The following MACROD2 variants were observed in gnomAD, a reference collection of about 807,000 sequenced individuals.
MACROD2 encodes the protein ADP-ribose glycohydrolase MACROD2.
MACROD2 carries 36 observed loss-of-function variants against 70.4 expected under a neutral mutation model. That is an observed-to-expected ratio of 0.51 (90% CI 0.39 to 0.68). The LOEUF (loss-of-function observed/expected upper bound fraction) is 0.68, where lower values mean the gene tolerates loss of function less well. Among genes scored for constraint, MACROD2 ranks in the 30% least tolerant of loss-of-function variants. The pLI, the probability that MACROD2 is intolerant of heterozygous loss-of-function variation, is 0.00. For synonymous variants in MACROD2, 172 were observed against 178.8 expected, an observed-to-expected ratio of 0.96 and a Z score of 0.30; for missense variants, 496 against 538.4, an observed-to-expected ratio of 0.92 and a Z score of 0.78.
intron 2 of MACROD2, among the ~76,000 whole-genome samples, chr20:14,014,566 A>G (rs2052960076): frequency 6.6e-6 from 1 of 152,180 alleles, no homozygotes; most frequent in South Asian, 2.1e-4. Context: ...AATTGGCAAC[A>G]GTTCATACAA....
At chr20:14,551,047 T>C (rs1263925929) in intron 4 of MACROD2, among the ~76,000 whole-genome samples, 1 of 152,196 alleles carries the variant, frequency 6.6e-6, no homozygotes, top group African/African-American at 2.4e-5. Context: ...GATTTTTTTT[T>C]CCTTTTTCAA....
chr20:16,049,461 G>T (rs1275811880), intron 17 of MACROD2, among the ~76,000 whole-genome samples: 1 of 152,118 alleles, frequency 6.6e-6, no homozygotes. Context: ...TATGAAAATT[G>T]TTATTATTTA....
chr20:14,651,904 CTGTTTCT>C (rs1444177477), intron 4 of MACROD2, among the ~76,000 whole-genome samples: 6 of 151,992 alleles, frequency 3.9e-5, no homozygotes, highest in African/African-American at 1.5e-4. Flanking sequence ...GTAGCAGCCT[CTGTTTCT>C]TGTTTATTTA....
At chr20:15,724,340 T>C (rs1435517480) in intron 8 of MACROD2, among the ~76,000 whole-genome samples, 1 of 152,214 alleles carries the variant, frequency 6.6e-6, no homozygotes, top group African/African-American at 2.4e-5. Context: ...TGATGAGTCA[T>C]TGTCATACCC....
chr20:15,794,754 AG>A (rs1446291885), intron 8 of MACROD2, among the ~76,000 whole-genome samples: 7 of 151,538 alleles, frequency 4.6e-5, no homozygotes, highest in Non-Finnish European at 1.0e-4. Context: ...TATGGCCTCA[AG>A]TTAAGCAGGC....
intron 5 of MACROD2, among the ~76,000 whole-genome samples, chr20:15,016,099 G>A (rs537496651): frequency 2.0e-4 from 30 of 152,262 alleles, no homozygotes; most frequent in Admixed American, 1.8e-3. Context: ...GTGTTTTTAC[G>A]TCTGCAAGAA....
intron 5 of MACROD2, among the ~76,000 whole-genome samples, chr20:15,106,317 C>T (rs1465496610): frequency 6.6e-6 from 1 of 151,902 alleles, no homozygotes; most frequent in Non-Finnish European, 1.5e-5. Context: ...AGGCTTTACA[C>T]ATATTGTAAT....
At chr20:14,650,162 T>C (rs1306980158) in intron 4 of MACROD2, among the ~76,000 whole-genome samples, 1 of 152,132 alleles carries the variant, frequency 6.6e-6, no homozygotes, top group Non-Finnish European at 1.5e-5. Context: ...AAAAACTGTC[T>C]CCCCATGCTG....
intron 8 of MACROD2, among the ~76,000 whole-genome samples, chr20:15,601,931 G>C (rs1400477128): frequency 1.3e-5 from 2 of 152,096 alleles, no homozygotes; most frequent in Non-Finnish European, 2.9e-5. Flanking sequence ...GGGAGGCTGA[G>C]GCAGGAGAAT....
chr20:15,519,979 C>T (rs1374087723), intron 8 of MACROD2, among the ~76,000 whole-genome samples: 3 of 152,150 alleles, frequency 2.0e-5, no homozygotes, highest in Non-Finnish European at 2.9e-5. Flanking sequence ...GAACTCCATG[C>T]GATGCAGAGG....
chr20:15,051,438 A>G (rs1211121229), intron 5 of MACROD2, among the ~76,000 whole-genome samples: 1 of 150,206 alleles, frequency 6.7e-6, no homozygotes, highest in Non-Finnish European at 1.5e-5. Flanking sequence ...AGAACTGGGG[A>G]CTGGCAAGCT....
At chr20:14,492,547 C>G (rs1355120228) in intron 3 of MACROD2, among the ~76,000 whole-genome samples, 1 of 152,064 alleles carries the variant, frequency 6.6e-6, no homozygotes, top group African/African-American at 2.4e-5. Context: ...GGGCAGCATG[C>G]TAAAATTCAA....
At chr20:15,309,422 G>T (rs1306542697) in intron 6 of MACROD2, among the ~76,000 whole-genome samples, 1 of 152,144 alleles carries the variant, frequency 6.6e-6, no homozygotes, top group African/African-American at 2.4e-5. Context: ...ACTAATGCTG[G>T]CATCACCCTA....
intron 6 of MACROD2, among the ~76,000 whole-genome samples, chr20:15,364,170 C>A (rs1475410205): frequency 1.3e-5 from 2 of 152,204 alleles, no homozygotes; most frequent in Non-Finnish European, 2.9e-5. Flanking sequence ...AAACAACCAA[C>A]ATGGACTTCA....
chr20:15,333,728 G>T (rs755717329), intron 6 of MACROD2, among the ~76,000 whole-genome samples: 4 of 151,514 alleles, frequency 2.6e-5, no homozygotes, highest in Non-Finnish European at 4.4e-5. Context: ...ATTAGTTAAT[G>T]TATTATATGG....
intron 7 of MACROD2, among the ~76,000 whole-genome samples, chr20:15,452,638 T>C (rs994583267): frequency 1.3e-5 from 2 of 152,162 alleles, no homozygotes; most frequent in Non-Finnish European, 2.9e-5. Flanking sequence ...GCCTCTGTTC[T>C]GATCAAGTTT....
chr20:14,972,741 A>G (rs2074703005), intron 5 of MACROD2, among the ~76,000 whole-genome samples: 2 of 152,182 alleles, frequency 1.3e-5, no homozygotes, highest in South Asian at 4.1e-4. Context: ...AGGAGTGCTT[A>G]CAATTTCCAT....
At chr20:15,795,117 CCAGG>C (rs1314232571) in intron 8 of MACROD2, among the ~76,000 whole-genome samples, 2 of 151,890 alleles carry the variant, frequency 1.3e-5, no homozygotes, top group Non-Finnish European at 2.9e-5. Context: ...AATAGTGCCC[CCAGG>C]GAGTTGTGCA....
chr20:13,999,688 G>A (rs193084527), intron 1 of MACROD2, among the ~76,000 whole-genome samples: 42 of 152,216 alleles, frequency 2.8e-4, no homozygotes, highest in Admixed American at 9.2e-4. Context: ...TACTTACCTC[G>A]AAGGGAAACT....
Sources: allele counts gnomAD v4.1 joint callset (sites outside exome capture counted in the v4.1 genomes callset), GRCh38; gene constraint gnomAD v4.1.1; transcripts MANE v1.5; gene names NCBI Gene and HGNC (gene_info 2026-07-23, HGNC 2026-07-21).